FAM240C: variants seen among roughly 807,000 people sequenced by gnomAD.
FAM240C encodes protein FAM240C.
FAM240C carries 14 observed loss-of-function variants against 10.0 expected under a neutral mutation model. The observed-to-expected ratio is 1.40, with a 90% CI of 0.92 to 2.19. The LOEUF is 2.19. FAM240C is among the 30% of genes most tolerant of loss of function. The pLI is 0.00. For synonymous variants in FAM240C, 49 were observed against 44.3 expected, an observed-to-expected ratio of 1.11 and a Z score of -0.42; for missense variants, 154 against 122.3, an observed-to-expected ratio of 1.26 and a Z score of -1.22.
intron 1 of FAM240C, chr2:241,899,273 G>A (rs1168730024): frequency 2.3e-6 from 3 of 1,280,792 alleles, no homozygotes; most frequent in Non-Finnish European, 3.1e-6. Context: ...CTGTTGTGAT[G>A]TGGGTGCTGG....
chr2:241,896,517 T>A (rs139433827), intron 2 of FAM240C, among the ~76,000 whole-genome samples: 8,044 of 68,060 alleles, frequency 0.12, 101 homozygotes, highest in East Asian at 0.37. Context: ...GTGTGGGTGT[T>A]GGGGTGTGGG....
chr2:241,894,475 C>T (rs779409079), intron 2 of FAM240C, 136 bp from the exon 3 acceptor site: 163 of 979,372 alleles, frequency 1.7e-4, no homozygotes, highest in African/African-American at 3.3e-4. Context: ...GGGGTGTCAC[C>T]GCATCCCTGC....
chr2:241,898,800 G>A (rs940227808), intron 1 of FAM240C, among the ~76,000 whole-genome samples: 3 of 152,174 alleles, frequency 2.0e-5, no homozygotes, highest in African/African-American at 4.8e-5. Context: ...CCAGGGCCAC[G>A]TTTCGGGGTG....
intron 1 of FAM240C, among the ~76,000 whole-genome samples, chr2:241,897,938 T>C (rs1701892923): frequency 6.6e-6 from 1 of 152,192 alleles, no homozygotes; most frequent in Non-Finnish European, 1.5e-5. Context: ...TCTCACTATG[T>C]TGCCCAGGCC....
chr2:241,894,924 G>T (rs1701756963), intron 2 of FAM240C, among the ~76,000 whole-genome samples: 1 of 152,226 alleles, frequency 6.6e-6, no homozygotes, highest in Non-Finnish European at 1.5e-5. Context: ...GGGCGGACCT[G>T]GCGGCAGGAA....
chr2:241,902,478 C>T (rs996649599), upstream of FAM240C: 2 of 153,808 alleles, frequency 1.3e-5, no homozygotes, highest in African/African-American at 2.4e-5. This position sits in a 1 kb window ranked among gnomAD's most constrained non-coding sequence, Gnocchi z 7.1. Flanking sequence ...TGTGCCAGCC[C>T]CGTCCTGCGC....
At chr2:241,898,930 C>G (rs1410095625) in intron 1 of FAM240C, among the ~76,000 whole-genome samples, 2 of 152,250 alleles carry the variant, frequency 1.3e-5, no homozygotes, top group Non-Finnish European at 1.5e-5. Context: ...TTTCTGCAGC[C>G]CTGGCTGGCT....
At chr2:241,894,968 C>G (rs1373309165) in intron 2 of FAM240C, among the ~76,000 whole-genome samples, 1 of 152,224 alleles carries the variant, frequency 6.6e-6, no homozygotes, top group African/African-American at 2.4e-5. Context: ...CTCCCCGAGA[C>G]CTGGGCAGAT....
At chr2:241,895,958 G>A (rs1021971262) in intron 2 of FAM240C, among the ~76,000 whole-genome samples, 3 of 95,676 alleles carry the variant, frequency 3.1e-5, no homozygotes, top group African/African-American at 1.0e-4. Context: ...GCAAGCACTC[G>A]GTGGTGGGGG....
intron 1 of FAM240C, among the ~76,000 whole-genome samples, chr2:241,897,974 G>A (rs28484736): frequency 0.33 from 49,535 of 152,006 alleles, 9,003 homozygotes; most frequent in African/African-American, 0.49. Flanking sequence ...GGCTCAAGCA[G>A]TCTTCCTGGC....
intron 1 of FAM240C, chr2:241,899,427 C>T (rs577906383): frequency 3.5e-5 from 27 of 769,122 alleles, no homozygotes; most frequent in East Asian, 1.3e-4. Flanking sequence ...GACGCTGGCG[C>T]GAATTCAGTG....
chr2:241,897,123 C>T lies in FAM240C; in HGVS notation c.161+63G>A, dbSNP rs946281412. The stretch of plus-strand genomic sequence containing the variant: ...AGGGCACACTGCTGGCGGGGCTGTG[C>T]CCCTGGGTGGCGAGCGTGGCTCAGG... On this transcript the variant is annotated intron_variant, in intron 2 of 2. Coordinates refer to ENST00000404031, the MANE Select transcript of FAM240C (RefSeq NM_001382368.1). 6.6e-6 allele frequency: 10 copies of T among 1,521,656 alleles called. No individual in the cohort carries two copies. In the African/African-American group the frequency reaches 1.1e-4, roughly 17 times the overall value. The allele number at this position is 1,521,656 out of a possible 1,614,324, so 94.3% of individuals were successfully genotyped here.
intron 1 of FAM240C, chr2:241,899,188 C>A (rs1383737217): frequency 7.7e-7 from 1 of 1,303,968 alleles, no homozygotes; most frequent in Non-Finnish European, 1.0e-6. Context: ...GCTGGGGACT[C>A]CTTCGAGGAG....
chr2:241,900,457 T>C lies in FAM240C; in HGVS notation c.-88A>G. On this transcript the variant is annotated 5_prime_UTR_variant, in exon 1 of 3. Transcript: ENST00000404031. This position sits in a 1 kb window ranked among gnomAD's most constrained non-coding sequence, Gnocchi z 4.5. Reference sequence around the variant, plus strand: ...TGCACGCCTGTATCTCGCCTGCCGCTCTCTGTTACATGGGCTCAGTGACAC... The same window carrying C: ...TGCACGCCTGTATCTCGCCTGCCGCCCTCTGTTACATGGGCTCAGTGACAC... 1 of 707,442 alleles carries C rather than the reference T, an allele frequency of 1.4e-6. No homozygotes were observed. Among genetic ancestry groups the C allele is most frequent in the East Asian group, 2.7e-5 (1 of 37,066 alleles). 43.8% of individuals were successfully genotyped at this position (707,442 alleles called of 1,614,324 possible).
chr2:241,895,969 G>GC (rs887990162), intron 2 of FAM240C, among the ~76,000 whole-genome samples: 3 of 152,008 alleles, frequency 2.0e-5, no homozygotes, highest in African/African-American at 7.3e-5. Flanking sequence ...GTGGTGGGGG[G>GC]GGGCCTCTCC....
chr2:241,899,371 G>A (rs1701930327), intron 1 of FAM240C: 2 of 982,658 alleles, frequency 2.0e-6, no homozygotes, highest in Non-Finnish European at 1.2e-6. Context: ...GACATGCAAA[G>A]TTGATCATGA....
chr2:241,900,497 G>A (rs966146030), upstream of FAM240C: 10 of 670,680 alleles, frequency 1.5e-5, no homozygotes, highest in South Asian at 1.1e-4. This position sits in a 1 kb window ranked among gnomAD's most constrained non-coding sequence, Gnocchi z 4.5. Flanking sequence ...GCTTGGCGTC[G>A]GTTCAGTCCC....
At chr2:241,899,785 C>T (rs1036712215) in intron 1 of FAM240C, among the ~76,000 whole-genome samples, 6 of 152,214 alleles carry the variant, frequency 3.9e-5, no homozygotes, top group South Asian at 2.1e-4. Flanking sequence ...AACAGACACG[C>T]GGCCGGGCGC....
At chr2:241,895,492 G>T (rs1649769199) in intron 2 of FAM240C, among the ~76,000 whole-genome samples, 1 of 152,228 alleles carries the variant, frequency 6.6e-6, no homozygotes, top group Admixed American at 6.5e-5. Flanking sequence ...CTCTCTCACG[G>T]CGGCTTCCTG....
Sources: gnomAD v4.1 joint callset for allele counts (sites outside exome capture counted in the v4.1 genomes callset) on GRCh38, gnomAD v4.1.1 for gene constraint, Gnocchi (gnomAD v3.1) non-coding constraint, MANE v1.5 for transcripts, NCBI Gene and HGNC (gene_info 2026-07-23, HGNC 2026-07-21) for gene names.